The following HSD17B4 variants were observed in gnomAD, a reference collection of about 807,000 sequenced individuals.
The protein encoded by HSD17B4 is hydroxysteroid 17-beta dehydrogenase 4, also known as peroxisomal multifunctional enzyme type 2.
HSD17B4 carries 70 observed loss-of-function variants against 101.0 expected under a neutral mutation model. The ratio of observed to expected loss-of-function variants is 0.69; its 90% CI spans 0.57 to 0.85. The LOEUF is 0.85. HSD17B4 is among the 40% of genes least tolerant of loss of function. The probability of loss-of-function intolerance (pLI) is 0.00; values close to 1 mark genes in which losing one functional copy is unlikely to be tolerated. For missense variants in HSD17B4, 984 were observed against 892.4 expected (o/e 1.10, Z -1.31); for synonymous variants, 347 against 297.1 (o/e 1.17, Z -1.73).
chr5:119,479,625 C>T (rs1418660536), intron 8 of HSD17B4, among the ~76,000 whole-genome samples: 1 of 152,142 alleles, frequency 6.6e-6, no homozygotes, highest in Non-Finnish European at 1.5e-5. Context: ...TGTGCTTCAC[C>T]TGTTTGTCTC....
At chr5:119,500,928 C>G (rs1751098436) in intron 13 of HSD17B4, among the ~76,000 whole-genome samples, 1 of 152,046 alleles carries the variant, frequency 6.6e-6, no homozygotes, top group Admixed American at 6.6e-5. Flanking sequence ...AATCATGGGG[C>G]TATGAGCTGG....
intron 23 of HSD17B4, among the ~76,000 whole-genome samples, chr5:119,540,179 A>T (rs1275166832): frequency 6.6e-6 from 1 of 152,112 alleles, no homozygotes; most frequent in African/African-American, 2.4e-5. Context: ...TACTTTTTGC[A>T]TGGCACTCCT....
chr5:119,473,439 C>T (rs1748227302), intron 2 of HSD17B4, among the ~76,000 whole-genome samples: 1 of 151,104 alleles, frequency 6.6e-6, no homozygotes, highest in African/African-American at 2.4e-5. Context: ...CCACCTCAGC[C>T]TCCCAAGTAG....
chr5:119,452,832 C>T (rs1310296327), intron 1 of HSD17B4, 199 bp downstream of exon 1: 1 of 1,535,950 alleles, frequency 6.5e-7, no homozygotes, highest in Non-Finnish European at 8.7e-7. Flanking sequence ...GTACAGCCCG[C>T]TTCTCCCCAG....
Position 119,453,412 on chromosome 5 carries a change from A to G in HSD17B4, c.58+779A>G, listed in dbSNP as rs141550966. On this transcript the variant is annotated intron_variant, in intron 1 of 23. Coordinates refer to ENST00000510025, the MANE Select transcript of HSD17B4 (RefSeq NM_000414.4). ...GAAAATTGTTATGTGAAATAGCCCCATTTTTTAAAGTACAAAAAATTAAAA... is the reference window on the plus strand; with the variant it reads ...GAAAATTGTTATGTGAAATAGCCCCGTTTTTTAAAGTACAAAAAATTAAAA... Among the ~76,000 whole-genome samples, 801 of 152,298 alleles carry G rather than the reference A, an allele frequency of 5.3e-3. 10 individuals are homozygous for G. The highest frequency in any genetic ancestry group is 0.018 in the African/African-American group (763 of 41,552).
Position 119,493,944 on chromosome 5 carries a change from A to C in HSD17B4, c.866A>C (p.Gln289Pro). ...AATGCCAGCAAGCCTCAGAGTATCC[A>C]AGGTAAAGAGAGTCCCCGTCACTTA... ...FENASKPQSI[Q>P]ESTGSIIEVL... Residue 289 changes from glutamine (Q) to proline (P), a missense_variant and splice_region_variant, in exon 11 of 24, where the codon CAA becomes CCA. Physicochemically the swap from Gln to Pro is moderately conservative, Grantham distance 76. Coordinates refer to ENST00000510025, the MANE Select transcript of HSD17B4 (RefSeq NM_000414.4). 1 of 1,613,080 alleles carries C rather than the reference A, an allele frequency of 6.2e-7. No individual in the cohort carries two copies. Among genetic ancestry groups the C allele is most frequent in the Non-Finnish European group, 8.5e-7 (1 of 1,179,282 alleles).
At chr5:119,471,653 A>G (rs897135971) in intron 2 of HSD17B4, 21 of 1,422,908 alleles carry the variant, frequency 1.5e-5, no homozygotes, top group Admixed American at 2.4e-5. Flanking sequence ...AATCTATGCA[A>G]TAACCCTATG....
At chr5:119,532,711 A>G (rs2126901704) in intron 22 of HSD17B4, among the ~76,000 whole-genome samples, 1 of 152,220 alleles carries the variant, frequency 6.6e-6, no homozygotes, top group South Asian at 2.1e-4. Flanking sequence ...AAGCAACGGT[A>G]AAAAATCGGA....
At chr5:119,516,897 ACTT>A (rs1344965765) in intron 17 of HSD17B4, among the ~76,000 whole-genome samples, 1 of 152,266 alleles carries the variant, frequency 6.6e-6, no homozygotes, top group Non-Finnish European at 1.5e-5. Flanking sequence ...GAGAAGGGAT[ACTT>A]ATTAGGGAAT....
rs3839243 is a variant in HSD17B4 at position 119,490,024 on chromosome 5, A to ACC, written c.714+749_714+750dup. Among the ~76,000 whole-genome samples, 805 of 148,556 alleles carry ACC rather than the reference A, an allele frequency of 5.4e-3. 2 individuals carry two copies. Among genetic ancestry groups the ACC allele is most frequent in the South Asian group, 0.017 (79 of 4,644 alleles). ...TCTAGCCTAAACTGTTGTATATTAGACCCCCCCCCATTTTAAATTATCTGT... is the reference window on the plus strand; with the variant it reads ...TCTAGCCTAAACTGTTGTATATTAGACCCCCCCCCCCATTTTAAATTATCTGT... On this transcript the variant is annotated intron_variant, in intron 9 of 23. Transcript: ENST00000510025.
chr5:119,514,680 A>T (rs563498059), intron 16 of HSD17B4, among the ~76,000 whole-genome samples: 1 of 152,298 alleles, frequency 6.6e-6, no homozygotes, highest in East Asian at 1.9e-4. Context: ...AGTTGTTTTC[A>T]TCTTTTACAT....
intron 2 of HSD17B4, among the ~76,000 whole-genome samples, chr5:119,472,810 A>G (rs535048736): frequency 6.6e-6 from 1 of 152,272 alleles, no homozygotes; most frequent in African/African-American, 2.4e-5. Flanking sequence ...GGCAACCATC[A>G]TTCTATTTTG....
At chr5:119,495,744 C>T (rs534225723) in intron 11 of HSD17B4, 10 of 188,236 alleles carry the variant, frequency 5.3e-5, no homozygotes, top group South Asian at 1.6e-4. Context: ...GATCTCAGCT[C>T]ACTACAACCT....
At chr5:119,515,116 A>T (rs1752500691) in intron 17 of HSD17B4, 70 bp downstream of exon 17, 1 of 836,704 alleles carries the variant, frequency 1.2e-6, no homozygotes, top group African/African-American at 1.7e-5. Flanking sequence ...TAGCTCTGAT[A>T]CCTTATAACA....
intron 1 of HSD17B4, 26 bp downstream of exon 1, chr5:119,452,659 C>T (rs1754168346): frequency 8.1e-6 from 13 of 1,613,394 alleles, no homozygotes; most frequent in Non-Finnish European, 1.1e-5. Context: ...TTGGAGGCCG[C>T]GCCCCTTGCT....
intron 8 of HSD17B4, among the ~76,000 whole-genome samples, chr5:119,481,852 A>G (rs181192912): frequency 2.0e-5 from 3 of 152,292 alleles, no homozygotes; most frequent in East Asian, 1.9e-4. Context: ...TCTTGGTTAC[A>G]TGGTTTCAGA....
chr5:119,531,376 C>T lies in HSD17B4; in HGVS notation c.1965C>T (p.Thr655=), dbSNP rs546307544. 3 of 1,613,414 alleles carry T rather than the reference C, an allele frequency of 1.9e-6. No homozygotes were observed. The highest frequency in any genetic ancestry group is 2.5e-6 in the Non-Finnish European group (3 of 1,179,534). ...ATGCTGTATTTGAGTGGCATATAAC[C>T]AAAGGCGGAAATATTGGGGCTAAGT... ...KVNAVFEWHI[T]KGGNIGAKWT... is the part of the protein sequence containing the mutation. The change falls in exon 22 of 24, where the codon ACC becomes ACT. Residue 655 remains threonine, a synonymous_variant. Coordinates refer to ENST00000510025, the MANE Select transcript of HSD17B4 (RefSeq NM_000414.4).
intron 10 of HSD17B4, chr5:119,492,374 A>T: frequency 1.9e-6 from 1 of 531,990 alleles, no homozygotes; most frequent in Non-Finnish European, 3.4e-6. Context: ...GTCCTGTTTT[A>T]TTCAGAACTG....
At chr5:119,464,290 AT>A (rs2126645003) in intron 2 of HSD17B4, among the ~76,000 whole-genome samples, 1 of 151,980 alleles carries the variant, frequency 6.6e-6, no homozygotes, top group South Asian at 2.1e-4. Flanking sequence ...TGTTTCCCGT[AT>A]GTTTTCTTCT....
Sources: gnomAD v4.1 joint callset for allele counts (sites outside exome capture counted in the v4.1 genomes callset) on GRCh38, gnomAD v4.1.1 for gene constraint, MANE v1.5 for transcripts, NCBI Gene and HGNC (gene_info 2026-07-23, HGNC 2026-07-21) for gene names.